Variants in VPS37A observed in about 807,000 individuals in gnomAD.
The protein encoded by VPS37A is vacuolar protein sorting-associated protein 37A.
A neutral mutation model predicts 49.8 loss-of-function variants in VPS37A; 30 were observed. The observed-to-expected ratio is 0.60, with a 90% CI of 0.45 to 0.82. The LOEUF is 0.82. VPS37A is among the 40% of genes least tolerant of loss of function. VPS37A has a pLI of 0.00. For synonymous variants in VPS37A, 195 were observed against 160.6 expected (o/e 1.21, Z -1.62); for missense variants, 593 against 464.4 (o/e 1.28, Z -2.55).
At position 17,256,290 on chromosome 8, in the gene VPS37A, ATTTTTTTTTTTTTTTT is replaced by A. The variant is rs529736602; in HGVS notation, c.125+8934_125+8949del. ...AAGTCTTTTTAGCTGGGGTAAAATG[ATTTTTTTTTTTTTTTT>A]TTTTTTTTTTTTGGAGATAGGGTCC... On this transcript the variant is annotated intron_variant, in intron 1 of 11. Transcript: ENST00000324849. Among the ~76,000 whole-genome samples the A allele has an allele frequency of 3.0e-4, 18 of 60,404 alleles. No individual in the cohort carries two copies. The East Asian group carries it at 3.4e-3, about 11-fold the overall frequency. The allele number at this position is 60,404 out of a possible 152,430, so 39.6% of individuals were successfully genotyped here. A position where few individuals can be genotyped will look rare whatever the true frequency, so the allele number is the denominator to read the frequency against.
chr8:17,272,987 CCT>C (rs1491056823), intron 4 of VPS37A, among the ~76,000 whole-genome samples: 1 of 144,518 alleles, frequency 6.9e-6, no homozygotes, highest in Non-Finnish European at 1.5e-5. Flanking sequence ...GTATTTTCCC[CCT>C]TTTTTATATG....
intron 2 of VPS37A, among the ~76,000 whole-genome samples, chr8:17,266,596 C>G (rs1813478868): frequency 1.3e-5 from 2 of 152,100 alleles, no homozygotes; most frequent in Admixed American, 1.3e-4. Context: ...GCTGCTAGAG[C>G]AAGTGTTTGA....
chr8:17,256,290 ATTTTTTTT>A (rs529736602), intron 1 of VPS37A, among the ~76,000 whole-genome samples: 1,566 of 60,410 alleles, frequency 0.026, 37 homozygotes, highest in African/African-American at 0.1. Context: ...GGGTAAAATG[ATTTTTTTT>A]TTTTTTTTTT....
chr8:17,278,904 T>C (rs1814771353), intron 6 of VPS37A, among the ~76,000 whole-genome samples: 1 of 152,134 alleles, frequency 6.6e-6, no homozygotes, highest in African/African-American at 2.4e-5. Context: ...CCAACGTTTT[T>C]ATATGGCTCC....
chr8:17,331,032 A>G, the VPS37A span: 2 of 1,232,418 alleles, frequency 1.6e-6, no homozygotes, highest in African/African-American at 3.1e-5. Context: ...GTAACATGAT[A>G]TTCTTCCCAA....
At chr8:17,286,270 C>T (rs916947091) in intron 10 of VPS37A, 77 bp from the exon 11 acceptor site, 2 of 1,141,924 alleles carry the variant, frequency 1.8e-6, no homozygotes, top group African/African-American at 3.1e-5. Flanking sequence ...TAAAAGCTTC[C>T]TGTCATACTG....
chr8:17,267,320 A>G (rs1057224534), intron 2 of VPS37A, among the ~76,000 whole-genome samples: 3 of 152,216 alleles, frequency 2.0e-5, no homozygotes, highest in Non-Finnish European at 4.4e-5. Flanking sequence ...CTGAACCATC[A>G]GGGGAACAAA....
At chr8:17,311,891 A>G in the VPS37A span, 1 of 454,322 alleles carries the variant, frequency 2.2e-6, no homozygotes, top group Non-Finnish European at 4.0e-6. Context: ...TGTACTTACT[A>G]AACATAAGCA....
chr8:17,331,134 T>C, the VPS37A span: 1 of 1,607,494 alleles, frequency 6.2e-7, no homozygotes, highest in Admixed American at 1.7e-5. Context: ...ATGCTGTGCA[T>C]AAGGAAATGG....
downstream of VPS37A, among the ~76,000 whole-genome samples, chr8:17,304,005 C>T (rs546464695): frequency 6.6e-6 from 1 of 152,128 alleles, no homozygotes; most frequent in South Asian, 2.1e-4. Context: ...ACGGCAAAAA[C>T]CACAATTATT....
In VPS37A at chr8:17,297,647, T is replaced by C. The variant is rs544790510; in HGVS notation, c.*2661T>C. ...AATATGCCTCAAATCAGTTTTATAC[T>C]GGATTATTCCCTATGCTTTAAACCA... On this transcript the variant is annotated 3_prime_UTR_variant, in exon 12 of 12. Transcript: ENST00000324849. 6.6e-6 allele frequency: 1 copy of C among 152,068 alleles called. No homozygotes were observed. Among genetic ancestry groups the C allele is most frequent in the Non-Finnish European group, 1.5e-5 (1 of 67,928 alleles). 9.4% of individuals were successfully genotyped at this position (152,068 alleles called of 1,614,324 possible). A position where few individuals can be genotyped will look rare whatever the true frequency, so the allele number is the denominator to read the frequency against.
intron 6 of VPS37A, among the ~76,000 whole-genome samples, chr8:17,277,249 T>A (rs1814597980): frequency 6.6e-6 from 1 of 152,168 alleles, no homozygotes; most frequent in Admixed American, 6.6e-5. Context: ...TAGTGATTTA[T>A]TGTCTTCTGT....
chr8:17,263,855 T>C (rs1813189821), intron 1 of VPS37A, among the ~76,000 whole-genome samples: 1 of 152,088 alleles, frequency 6.6e-6, no homozygotes. Flanking sequence ...GCAAGAGAAT[T>C]GCTTGAACCC....
intron 1 of VPS37A, among the ~76,000 whole-genome samples, chr8:17,263,793 T>C (rs972966022): frequency 6.6e-6 from 1 of 151,968 alleles, no homozygotes; most frequent in Non-Finnish European, 1.5e-5. Context: ...AATATATATA[T>C]AACCGGGTGT....
intron 1 of VPS37A, among the ~76,000 whole-genome samples, chr8:17,265,500 T>C (rs566281606): frequency 6.6e-5 from 10 of 152,314 alleles, no homozygotes; most frequent in African/African-American, 2.4e-4. Context: ...AAGTTCAAGC[T>C]GTTAAGACCC....
chr8:17,272,010 G>C (rs1443703128), intron 4 of VPS37A: 1 of 456,558 alleles, frequency 2.2e-6, no homozygotes, highest in Non-Finnish European at 4.4e-6. Flanking sequence ...GAAATCAGGT[G>C]GCACCATCCG....
chr8:17,317,215 G>T, the VPS37A span, among the ~76,000 whole-genome samples: 1 of 152,174 alleles, frequency 6.6e-6, no homozygotes, highest in Admixed American at 6.5e-5. Flanking sequence ...CCATTCACAT[G>T]TAAGAGCAAG....
intron 1 of VPS37A, among the ~76,000 whole-genome samples, chr8:17,258,338 T>C (rs894361008): frequency 2.0e-5 from 3 of 152,182 alleles, no homozygotes; most frequent in African/African-American, 7.2e-5. Context: ...CCCAGTTCGA[T>C]GAGGGTTGTA....
At chr8:17,265,828 GA>G in intron 1 of VPS37A, 78 bp from the exon 2 acceptor site, 3 of 1,606,436 alleles carry the variant, frequency 1.9e-6, no homozygotes, top group Non-Finnish European at 2.6e-6. Context: ...AGTTTTAGTA[GA>G]TTCTAGCACT....
Sources: allele counts gnomAD v4.1 joint callset (sites outside exome capture counted in the v4.1 genomes callset), GRCh38; gene constraint gnomAD v4.1.1; transcripts MANE v1.5; gene names NCBI Gene and HGNC (gene_info 2026-07-23, HGNC 2026-07-21).